GTF2A1L: variants seen among roughly 807,000 people sequenced by gnomAD.
GTF2A1L encodes the protein general transcription factor IIA subunit 1 like, also known as TFIIA-alpha and beta-like factor.
Under a neutral mutation model 49.7 loss-of-function variants are expected in GTF2A1L, and 48 were observed. That is an observed-to-expected ratio of 0.97 (90% CI 0.77 to 1.23). GTF2A1L has a LOEUF of 1.23. Among genes scored for constraint, GTF2A1L ranks in the 50% most tolerant of loss-of-function variants. The pLI, the probability that GTF2A1L is intolerant of heterozygous loss-of-function variation, is 0.00. For synonymous variants in GTF2A1L, 246 were observed against 193.5 expected, an observed-to-expected ratio of 1.27 and a Z score of -2.25; for missense variants, 736 against 564.8, an observed-to-expected ratio of 1.30 and a Z score of -3.07.
In GTF2A1L at chr2:48,626,545, C is replaced by A. The variant is rs1676301487; in HGVS notation, c.247+5255C>A. ...CCCATTTATTTGTGTCCTTCAGTTT[C>A]TTATATCAATGTTTTATAGTTTTCA... On this transcript the variant is annotated intron_variant, in intron 3 of 8. Coordinates refer to ENST00000403751, the MANE Select transcript of GTF2A1L (RefSeq NM_006872.5). Among the ~76,000 whole-genome samples, 2 of 143,956 alleles carry A rather than the reference C, an allele frequency of 1.4e-5. 1 individual carries two copies. The highest frequency in any genetic ancestry group is 4.6e-4 in the South Asian group (2 of 4,328). 94.4% of individuals were successfully genotyped at this position (143,956 alleles called of 152,430 possible). A position where few individuals can be genotyped will look rare whatever the true frequency, so the allele number is the denominator to read the frequency against.
intron 1 of GTF2A1L, among the ~76,000 whole-genome samples, chr2:48,620,575 C>T (rs563468458): frequency 1.3e-5 from 2 of 151,918 alleles, no homozygotes; most frequent in Non-Finnish European, 2.9e-5. Context: ...GCCAGGAGTT[C>T]GAGACCAGCC....
At chr2:48,654,177 G>A (rs562648061) in intron 6 of GTF2A1L, among the ~76,000 whole-genome samples, 3 of 152,228 alleles carry the variant, frequency 2.0e-5, no homozygotes, top group African/African-American at 7.2e-5. Flanking sequence ...TTGGTAAGGA[G>A]AAGTTTTTAA....
chr2:48,645,939 C>G (rs569381404), intron 5 of GTF2A1L, among the ~76,000 whole-genome samples: 1 of 148,892 alleles, frequency 6.7e-6, no homozygotes, highest in South Asian at 2.2e-4. Flanking sequence ...TGAGCCACCG[C>G]GCCTGGCCTT....
chr2:48,622,120 G>T (rs1361137727), intron 3 of GTF2A1L, among the ~76,000 whole-genome samples: 1 of 152,206 alleles, frequency 6.6e-6, no homozygotes, highest in Non-Finnish European at 1.5e-5. Flanking sequence ...TTCTTTGCAT[G>T]CTTGGGAAAA....
rs1677038057 is a variant in GTF2A1L, at chr2:48,638,680, C to G, written c.248-3722C>G. On this transcript the variant is annotated intron_variant, in intron 3 of 8. Coordinates refer to ENST00000403751, the MANE Select transcript of GTF2A1L (RefSeq NM_006872.5). ...AAACAGCACAAGACAAGCATGCCCT[C>G]TCTCACCACTCCTATTCAACATAGT... 2.6e-5 allele frequency among the ~76,000 whole-genome samples: 4 copies of G among 152,194 alleles called. No individual in the cohort carries two copies. The South Asian group carries it at 8.3e-4, about 32-fold the overall frequency.
chr2:48,656,513 A>C (rs1678186002), intron 6 of GTF2A1L, among the ~76,000 whole-genome samples: 1 of 151,858 alleles, frequency 6.6e-6, no homozygotes, highest in Non-Finnish European at 1.5e-5. Context: ...AAGTCTATTC[A>C]AGTCCTTTGC....
At chr2:48,677,520 A>G (rs35125065) in intron 8 of GTF2A1L, among the ~76,000 whole-genome samples, 30,066 of 151,880 alleles carry the variant, frequency 0.2, 3,156 homozygotes, top group South Asian at 0.25. Flanking sequence ...GAGGAAAAAT[A>G]AAGGATTTTG....
chr2:48,635,378 G>T (rs1459460282), intron 3 of GTF2A1L, among the ~76,000 whole-genome samples: 3 of 152,140 alleles, frequency 2.0e-5, no homozygotes, highest in African/African-American at 7.2e-5. Flanking sequence ...GTCCATGAAA[G>T]ATGAGTGGCT....
chr2:48,648,798 G>C (rs1677681959), intron 6 of GTF2A1L, among the ~76,000 whole-genome samples: 1 of 151,850 alleles, frequency 6.6e-6, no homozygotes. Flanking sequence ...TTTTAAAAAA[G>C]GTCTATGTCT....
chr2:48,644,007 A>C, intron 4 of GTF2A1L, among the ~76,000 whole-genome samples: 1 of 151,728 alleles, frequency 6.6e-6, no homozygotes, highest in Non-Finnish European at 1.5e-5. Flanking sequence ...CCTGTACAAA[A>C]TTTTTTTAAA....
intron 3 of GTF2A1L, among the ~76,000 whole-genome samples, chr2:48,639,410 C>A (rs1677084049): frequency 6.6e-6 from 1 of 152,164 alleles, no homozygotes; most frequent in African/African-American, 2.4e-5. Flanking sequence ...CTGTAGCCAT[C>A]TGACCTTTGA....
At chr2:48,625,901 T>C (rs1285409612) in intron 3 of GTF2A1L, among the ~76,000 whole-genome samples, 1 of 144,030 alleles carries the variant, frequency 6.9e-6, no homozygotes, top group African/African-American at 2.5e-5. Flanking sequence ...TTCGCTTTTG[T>C]AGCCCGAGCT....
chr2:48,657,295 A>G (rs868455876), intron 6 of GTF2A1L, among the ~76,000 whole-genome samples: 2 of 152,054 alleles, frequency 1.3e-5, no homozygotes, highest in Middle Eastern at 6.8e-3. Context: ...TATTATTTCC[A>G]CCACTGGGTG....
chr2:48,653,191 A>T (rs898508594), intron 6 of GTF2A1L, among the ~76,000 whole-genome samples: 3 of 146,958 alleles, frequency 2.0e-5, no homozygotes, highest in African/African-American at 7.5e-5. Flanking sequence ...ACTGCACTCC[A>T]GCCTGGGTGA....
In GTF2A1L at chr2:48,620,831, T is replaced by C; in HGVS notation, c.22-20T>C. Reference sequence around the variant, plus strand: ...TAAATAAATAAATAAAATGAAACTTTAACAATTGCTTTTATGTAGCCTAAA... The same window carrying C: ...TAAATAAATAAATAAAATGAAACTTCAACAATTGCTTTTATGTAGCCTAAA... On this transcript the variant is annotated intron_variant, in intron 1 of 8. Transcript: ENST00000403751. 7.6e-7 allele frequency: 1 copy of C among 1,318,368 alleles called. No homozygotes were observed. The highest frequency in any genetic ancestry group is 2.8e-5 in the East Asian group (1 of 35,156). The allele number at this position is 1,318,368 out of a possible 1,614,324, so 81.7% of individuals were successfully genotyped here.
At chr2:48,626,935 A>C (rs2104089027) in intron 3 of GTF2A1L, among the ~76,000 whole-genome samples, 1 of 143,772 alleles carries the variant, frequency 7.0e-6, no homozygotes, top group Middle Eastern at 3.5e-3. Flanking sequence ...TTTTTTGGAT[A>C]GGTAGTTATT....
intron 6 of GTF2A1L, among the ~76,000 whole-genome samples, chr2:48,661,350 G>A (rs1473132745): frequency 1.4e-5 from 2 of 144,224 alleles, no homozygotes; most frequent in African/African-American, 2.6e-5. Context: ...TTGCCTTTGG[G>A]TCAGGTGATT....
intron 3 of GTF2A1L, among the ~76,000 whole-genome samples, chr2:48,637,731 A>G (rs34290007): frequency 0.13 from 20,393 of 152,170 alleles, 1,639 homozygotes; most frequent in African/African-American, 0.23. Context: ...TGCTGGCTAG[A>G]CTACTAAAGA....
At chr2:48,677,018 A>G (rs1268494205) in intron 8 of GTF2A1L, among the ~76,000 whole-genome samples, 1 of 151,586 alleles carries the variant, frequency 6.6e-6, no homozygotes, top group Non-Finnish European at 1.5e-5. Flanking sequence ...ATCATCTGCT[A>G]CTGCATTTCT....
Sources: gnomAD v4.1 joint callset for allele counts (sites outside exome capture counted in the v4.1 genomes callset) on GRCh38, gnomAD v4.1.1 for gene constraint, MANE v1.5 for transcripts, NCBI Gene and HGNC (gene_info 2026-07-23, HGNC 2026-07-21) for gene names.